MET: variants seen among roughly 807,000 people sequenced by gnomAD.
MET encodes the protein MET proto-oncogene, receptor tyrosine kinase.
MET carries 48 observed loss-of-function variants against 133.1 expected under a neutral mutation model. The observed-to-expected ratio is 0.36, with a 90% CI of 0.29 to 0.46. The LOEUF (loss-of-function observed/expected upper bound fraction) is 0.46, where lower values mean the gene tolerates loss of function less well. Among genes scored for constraint, MET ranks in the 20% least tolerant of loss-of-function variants. The pLI is 1.00. For missense variants in MET, 1,442 were observed against 1,695.9 expected, an observed-to-expected ratio of 0.85 and a Z score of 2.63; for synonymous variants, 628 against 616.5, an observed-to-expected ratio of 1.02 and a Z score of -0.28.
At chr7:116,775,997 A>G (rs1794982977) in intron 15 of MET, among the ~76,000 whole-genome samples, 1 of 152,222 alleles carries the variant, frequency 6.6e-6, no homozygotes, top group Non-Finnish European at 1.5e-5. Flanking sequence ...TAGCATAAAC[A>G]GTATTTGTGG....
At chr7:116,724,386 T>G (rs974835920) in intron 2 of MET, 1 of 309,236 alleles carries the variant, frequency 3.2e-6, no homozygotes, top group African/African-American at 2.2e-5. Flanking sequence ...CCTAGTGAGA[T>G]GAACCCAGTA....
intron 1 of MET, among the ~76,000 whole-genome samples, chr7:116,677,444 G>A (rs1175196911): frequency 6.6e-6 from 1 of 152,216 alleles, no homozygotes; most frequent in Non-Finnish European, 1.5e-5. Context: ...AAGCAGAGGG[G>A]CAGTCACTGC....
chr7:116,736,107 C>T (rs1793201042), intron 3 of MET, among the ~76,000 whole-genome samples: 1 of 152,066 alleles, frequency 6.6e-6, no homozygotes, highest in Admixed American at 6.5e-5. Context: ...GAGGAAAATA[C>T]ACTCAAGGGT....
chr7:116,681,573 A>G (rs1247978535), intron 1 of MET, among the ~76,000 whole-genome samples: 1 of 152,218 alleles, frequency 6.6e-6, no homozygotes, highest in Non-Finnish European at 1.5e-5. Flanking sequence ...GTATTTTTCT[A>G]TTCTAAATAC....
intron 2 of MET, among the ~76,000 whole-genome samples, chr7:116,702,936 T>C (rs989896685): frequency 2.0e-5 from 3 of 147,638 alleles, no homozygotes; most frequent in African/African-American, 7.3e-5. Context: ...GTACCAGGCC[T>C]GACTTGCTTG....
At chr7:116,688,954 C>G (rs1796675672) in intron 1 of MET, among the ~76,000 whole-genome samples, 1 of 152,166 alleles carries the variant, frequency 6.6e-6, no homozygotes, top group Non-Finnish European at 1.5e-5. Context: ...AGAGCACCCC[C>G]TGGAAACATT....
intron 18 of MET, among the ~76,000 whole-genome samples, chr7:116,783,018 A>G (rs1192572475): frequency 6.6e-6 from 1 of 152,156 alleles, no homozygotes; most frequent in Non-Finnish European, 1.5e-5. Context: ...CACAGGGGAG[A>G]CAGCCTTACT....
intron 1 of MET, among the ~76,000 whole-genome samples, chr7:116,673,089 T>C (rs1796030987): frequency 6.6e-6 from 1 of 152,144 alleles, no homozygotes; most frequent in Non-Finnish European, 1.5e-5. Flanking sequence ...TCGTACCTTA[T>C]CTCTTTCTGG....
chr7:116,761,511 G>T (rs1419168165), intron 10 of MET, among the ~76,000 whole-genome samples: 7 of 152,082 alleles, frequency 4.6e-5, no homozygotes, highest in Non-Finnish European at 1.0e-4. Flanking sequence ...GTCTGATTTA[G>T]ATATATAGGT....
intron 19 of MET, among the ~76,000 whole-genome samples, chr7:116,793,998 T>C (rs1156331544): frequency 6.6e-6 from 1 of 151,310 alleles, no homozygotes; most frequent in Admixed American, 6.6e-5. Flanking sequence ...TACCTGCACC[T>C]ATAAAACAAA....
At chr7:116,785,445 C>G (rs1404502692) in intron 19 of MET, among the ~76,000 whole-genome samples, 2 of 152,052 alleles carry the variant, frequency 1.3e-5, no homozygotes, top group African/African-American at 4.8e-5. Flanking sequence ...AGGAGCAGGA[C>G]CAAGGTGGTG....
At chr7:116,693,582 A>G (rs1376897894) in intron 1 of MET, among the ~76,000 whole-genome samples, 3 of 152,216 alleles carry the variant, frequency 2.0e-5, no homozygotes, top group South Asian at 2.1e-4. Context: ...TTGTGAATGC[A>G]TTATGAGGAA....
rs201491944 is a variant in MET, at chr7:116,769,622, T to A, written c.2584-23T>A. 1,787 of 90,254 alleles carry A rather than the reference T, an allele frequency of 0.02. No individual in the cohort carries two copies. Among genetic ancestry groups the A allele is most frequent in the Non-Finnish European group, 0.033 (1,678 of 51,000 alleles). 5.6% of individuals were successfully genotyped at this position (90,254 alleles called of 1,614,324 possible). On this transcript the variant is annotated intron_variant, in intron 11 of 20. Coordinates refer to ENST00000397752, the MANE Select transcript of MET (RefSeq NM_000245.4). ...GCAGAACTGTGAAGTGTTAACAACCTTTTTTTTTTTTTTTCCTTTCAGGGA... is the reference window on the plus strand; with the variant it reads ...GCAGAACTGTGAAGTGTTAACAACCATTTTTTTTTTTTTTCCTTTCAGGGA...
chr7:116,673,958 A>G (rs1175522218), intron 1 of MET, among the ~76,000 whole-genome samples: 1 of 152,220 alleles, frequency 6.6e-6, no homozygotes, highest in Non-Finnish European at 1.5e-5. Context: ...GAAAATTTAC[A>G]TCATTCATAA....
At chr7:116,682,531 G>A (rs183834974) in intron 1 of MET, among the ~76,000 whole-genome samples, 1 of 152,192 alleles carries the variant, frequency 6.6e-6, no homozygotes, top group East Asian at 1.9e-4. Context: ...GTTAATAAGG[G>A]CCCATAGACC....
intron 5 of MET, among the ~76,000 whole-genome samples, chr7:116,747,407 G>C (rs915185928): frequency 2.0e-5 from 3 of 152,152 alleles, no homozygotes; most frequent in African/African-American, 7.2e-5. Context: ...ACACACATAG[G>C]CTCAAAATAA....
rs1390958903 is a variant in MET, at chr7:116,763,102, T to G, written c.2417T>G (p.Leu806Arg). 6.2e-7 allele frequency: 1 copy of G among 1,614,104 alleles called. No homozygotes were observed. Among genetic ancestry groups the G allele is most frequent in the African/African-American group, 1.3e-5 (1 of 75,046 alleles). The change falls in exon 11 of 21, where the codon CTG (leucine) becomes CGG (arginine). Residue 806 changes from leucine to arginine, a missense_variant. Physicochemically the swap from Leu to Arg is moderately radical, Grantham distance 102. Transcript: ENST00000397752. Reference sequence around the variant, plus strand: ...ATAATCTGTTGTACCACTCCTTCCCTGCAACAGCTGAATCTGCAACTCCCC... The same window carrying G: ...ATAATCTGTTGTACCACTCCTTCCCGGCAACAGCTGAATCTGCAACTCCCC... Reference protein sequence around the residue: ...SEIICCTTPSLQQLNLQLPLK... With the variant: ...SEIICCTTPSRQQLNLQLPLK...
intron 11 of MET, among the ~76,000 whole-genome samples, chr7:116,768,421 T>C (rs1481767625): frequency 2.0e-5 from 3 of 152,208 alleles, no homozygotes; most frequent in Non-Finnish European, 4.4e-5. Flanking sequence ...ATCTCTTAGA[T>C]TGCTGAGCTT....
intron 2 of MET, among the ~76,000 whole-genome samples, chr7:116,722,940 G>A (rs1421571216): frequency 2.7e-5 from 4 of 147,902 alleles, no homozygotes; most frequent in Non-Finnish European, 6.0e-5. Context: ...CAACTTTGGT[G>A]AATCTGACAA....
Sources: allele counts gnomAD v4.1 joint callset (sites outside exome capture counted in the v4.1 genomes callset), GRCh38; gene constraint gnomAD v4.1.1; transcripts MANE v1.5; gene names NCBI Gene and HGNC (gene_info 2026-07-23, HGNC 2026-07-21).